CAMK2D: variants seen among roughly 807,000 people sequenced by gnomAD.
CAMK2D encodes calcium/calmodulin-dependent protein kinase type II subunit delta.
Under a neutral mutation model 84.0 loss-of-function variants are expected in CAMK2D, and 37 were observed. The observed-to-expected ratio is 0.44, with a 90% CI of 0.34 to 0.58. The LOEUF is 0.58. Ranked by LOEUF, CAMK2D falls within the 20% of genes least tolerant of loss-of-function variation. The pLI, the probability that CAMK2D is intolerant of heterozygous loss-of-function variation, is 0.02. For synonymous variants in CAMK2D, 202 were observed against 212.5 expected, an observed-to-expected ratio of 0.95 and a Z score of 0.43; for missense variants, 448 against 652.5, an observed-to-expected ratio of 0.69 and a Z score of 3.41.
At chr4:113,556,649 C>T (rs1399601678) in intron 4 of CAMK2D, among the ~76,000 whole-genome samples, 1 of 152,124 alleles carries the variant, frequency 6.6e-6, no homozygotes, top group African/African-American at 2.4e-5. Flanking sequence ...GTCAGCGTGC[C>T]AACCAGTGTG....
At chr4:113,618,470 T>G (rs1463664927) in intron 3 of CAMK2D, among the ~76,000 whole-genome samples, 1 of 152,216 alleles carries the variant, frequency 6.6e-6, no homozygotes, top group East Asian at 1.9e-4. Context: ...TTAGCCCAAA[T>G]GCTCTCATCT....
At chr4:113,558,058 T>G (rs185628899) in intron 4 of CAMK2D, among the ~76,000 whole-genome samples, 1 of 151,988 alleles carries the variant, frequency 6.6e-6, no homozygotes, top group Non-Finnish European at 1.5e-5. Flanking sequence ...CTTTTGGAGG[T>G]GAGGAATCTG....
intron 2 of CAMK2D, among the ~76,000 whole-genome samples, chr4:113,678,855 T>C (rs190349283): frequency 1.7e-4 from 26 of 152,238 alleles, no homozygotes; most frequent in Admixed American, 1.6e-3. Context: ...GTCATGAGTA[T>C]ATTGCACAAT....
intron 2 of CAMK2D, among the ~76,000 whole-genome samples, chr4:113,749,494 T>A (rs1207439825): frequency 1.3e-5 from 2 of 152,200 alleles, no homozygotes; most frequent in African/African-American, 4.8e-5. Context: ...ATCCATGATA[T>A]GTATATCTAA....
chr4:113,493,795 T>A (rs1187563053), intron 16 of CAMK2D, among the ~76,000 whole-genome samples: 2 of 151,502 alleles, frequency 1.3e-5, no homozygotes, highest in African/African-American at 4.8e-5. Context: ...AGACGTAGAT[T>A]TGGTCTTTTC....
At chr4:113,457,123 T>A in intron 19 of CAMK2D, 1 of 1,263,680 alleles carries the variant, frequency 7.9e-7, no homozygotes, top group Non-Finnish European at 1.1e-6. Context: ...ACCTATCATA[T>A]ACTGCTCTAT....
At chr4:113,733,356 T>C (rs866765151) in intron 2 of CAMK2D, among the ~76,000 whole-genome samples, 4 of 152,200 alleles carry the variant, frequency 2.6e-5, no homozygotes, top group Admixed American at 2.6e-4. Flanking sequence ...TAGTTAGTTT[T>C]AAAATGCCTA....
chr4:113,459,638 C>CTT (rs35827287), intron 18 of CAMK2D, among the ~76,000 whole-genome samples: 89 of 133,396 alleles, frequency 6.7e-4, no homozygotes, highest in South Asian at 3.6e-3. Context: ...ATCAACATTA[C>CTT]TTTTTTTTTT....
chr4:113,538,183 G>A (rs975644250), intron 6 of CAMK2D, among the ~76,000 whole-genome samples: 20 of 152,010 alleles, frequency 1.3e-4, no homozygotes, highest in Admixed American at 3.9e-4. Flanking sequence ...AGAGTACTAT[G>A]AGAAAGATAT....
chr4:113,619,461 A>C (rs72617771), intron 3 of CAMK2D, among the ~76,000 whole-genome samples: 9,481 of 152,176 alleles, frequency 0.062, 362 homozygotes, highest in East Asian at 0.15. Flanking sequence ...AATTCCATTC[A>C]TGGCCTAAAA....
intron 13 of CAMK2D, among the ~76,000 whole-genome samples, chr4:113,509,015 A>G (rs1431739021): frequency 2.0e-5 from 3 of 152,140 alleles, no homozygotes; most frequent in East Asian, 1.9e-4. Flanking sequence ...AAATACAATC[A>G]GTAGGAAAGA....
At chr4:113,532,371 T>C (rs2098463960) in intron 7 of CAMK2D, among the ~76,000 whole-genome samples, 1 of 152,208 alleles carries the variant, frequency 6.6e-6, no homozygotes, top group African/African-American at 2.4e-5. Flanking sequence ...GACCTGTATG[T>C]TGCAATTTAA....
At chr4:113,503,537 A>G (rs1158350213) in intron 14 of CAMK2D, among the ~76,000 whole-genome samples, 2 of 152,210 alleles carry the variant, frequency 1.3e-5, no homozygotes, top group African/African-American at 2.4e-5. Context: ...CCATAAAAAA[A>G]TTTTAAGGAA....
chr4:113,712,797 G>T (rs1180970781), intron 2 of CAMK2D, among the ~76,000 whole-genome samples: 1 of 151,806 alleles, frequency 6.6e-6, no homozygotes, highest in Non-Finnish European at 1.5e-5. Flanking sequence ...GGGAAAAAAA[G>T]TCATATATAT....
chr4:113,472,127 A>C (rs2097553979), intron 16 of CAMK2D, among the ~76,000 whole-genome samples: 1 of 152,148 alleles, frequency 6.6e-6, no homozygotes, highest in African/African-American at 2.4e-5. Flanking sequence ...CGTTACTTTG[A>C]TCTTACTGCA....
intron 2 of CAMK2D, among the ~76,000 whole-genome samples, chr4:113,688,256 T>C (rs1202865696): frequency 6.6e-6 from 1 of 152,238 alleles, no homozygotes; most frequent in Non-Finnish European, 1.5e-5. Context: ...CAAGGAGGTC[T>C]GTGTGTTCCC....
chr4:113,534,248 T>G (rs184825991), intron 7 of CAMK2D, among the ~76,000 whole-genome samples: 125 of 152,240 alleles, frequency 8.2e-4, no homozygotes, highest in Non-Finnish European at 1.3e-3. Context: ...ACTTAAAATA[T>G]ATCTGGCAGC....
chr4:113,480,435 T>C (rs1397714865), intron 16 of CAMK2D, among the ~76,000 whole-genome samples: 1 of 152,118 alleles, frequency 6.6e-6, no homozygotes, highest in South Asian at 2.1e-4. Flanking sequence ...AATGCTATGA[T>C]ATGAATGTAT....
chr4:113,598,163 T>C (rs889439511), intron 4 of CAMK2D, among the ~76,000 whole-genome samples: 1 of 152,162 alleles, frequency 6.6e-6, no homozygotes, highest in Admixed American at 6.6e-5. Flanking sequence ...TCAGACACTG[T>C]GCTATTGGCA....
Sources: allele counts gnomAD v4.1 joint callset (sites outside exome capture counted in the v4.1 genomes callset), GRCh38; gene constraint gnomAD v4.1.1; transcripts MANE v1.5; gene names NCBI Gene and HGNC (gene_info 2026-07-23, HGNC 2026-07-21).